The following SLC36A1 variants were observed in gnomAD, a reference collection of about 807,000 sequenced individuals.
SLC36A1 encodes solute carrier family 36 member 1.
SLC36A1 carries 30 observed loss-of-function variants against 47.5 expected under a neutral mutation model. That is an observed-to-expected ratio of 0.63 (90% CI 0.47 to 0.86). The LOEUF is 0.86. SLC36A1 is among the 40% of genes least tolerant of loss of function. SLC36A1 has a pLI of 0.00. For synonymous variants in SLC36A1, 255 were observed against 249.7 expected (o/e 1.02, Z -0.20); for missense variants, 517 against 606.0 (o/e 0.85, Z 1.54).
the SLC36A1 span, among the ~76,000 whole-genome samples, chr5:151,367,372 T>TTTTTTTTTTTTTTTTTTC: frequency 7.3e-6 from 1 of 137,252 alleles, no homozygotes; most frequent in African/African-American, 2.9e-5. Context: ...TTTTTTTTTT[T>TTTTTTTTTTTTTTTTTTC]TTCCCCAGGG....
At chr5:151,375,330 T>C in the SLC36A1 span, among the ~76,000 whole-genome samples, 2 of 152,204 alleles carry the variant, frequency 1.3e-5, no homozygotes, top group African/African-American at 4.8e-5. Flanking sequence ...CTTTTTCCAG[T>C]GTATGTTTTT....
chr5:151,373,989 C>T, the SLC36A1 span, among the ~76,000 whole-genome samples: 27,228 of 152,028 alleles, frequency 0.18, 2,681 homozygotes, highest in East Asian at 0.41. Flanking sequence ...TGTATGTATG[C>T]GTGAAAGATT....
the SLC36A1 span, among the ~76,000 whole-genome samples, chr5:151,533,160 A>G: frequency 6.6e-6 from 1 of 152,128 alleles, no homozygotes; most frequent in Non-Finnish European, 1.5e-5. Context: ...CCACTTGATA[A>G]TGGCCTGAGG....
At chr5:151,532,877 G>C in the SLC36A1 span, among the ~76,000 whole-genome samples, 2 of 152,210 alleles carry the variant, frequency 1.3e-5, no homozygotes, top group Non-Finnish European at 2.9e-5. Flanking sequence ...TGGTGGAATG[G>C]TGACAGGAGT....
At chr5:151,383,135 A>C in the SLC36A1 span, among the ~76,000 whole-genome samples, 1 of 152,206 alleles carries the variant, frequency 6.6e-6, no homozygotes, top group Non-Finnish European at 1.5e-5. Context: ...GAGTATGTAC[A>C]GGAATACAAA....
upstream of SLC36A1, among the ~76,000 whole-genome samples, chr5:151,433,556 G>C (rs1759585675): frequency 6.6e-6 from 1 of 151,284 alleles, no homozygotes; most frequent in Admixed American, 6.6e-5. Context: ...CTTCCAAAGT[G>C]CTGGGATTAC....
chr5:151,416,779 C>T, the SLC36A1 span, among the ~76,000 whole-genome samples: 4 of 152,088 alleles, frequency 2.6e-5, no homozygotes, highest in Non-Finnish European at 5.9e-5. Context: ...GTGTCTCCAC[C>T]CAAATCTCAT....
chr5:151,495,282 G>A (rs992547863), downstream of SLC36A1, among the ~76,000 whole-genome samples: 3 of 152,110 alleles, frequency 2.0e-5, no homozygotes, highest in African/African-American at 7.2e-5. Context: ...GGAAGTACTT[G>A]TTCAAATATT....
At chr5:151,390,069 G>A in the SLC36A1 span, among the ~76,000 whole-genome samples, 4 of 152,046 alleles carry the variant, frequency 2.6e-5, no homozygotes, top group South Asian at 2.1e-4. Flanking sequence ...TCTCCAGCAC[G>A]TGTTGTTTCC....
the SLC36A1 span, among the ~76,000 whole-genome samples, chr5:151,358,112 C>G: frequency 1.3e-5 from 2 of 152,170 alleles, no homozygotes; most frequent in Non-Finnish European, 2.9e-5. Flanking sequence ...ACTGACTAGG[C>G]AGCTGTGATT....
intron 10 of SLC36A1, among the ~76,000 whole-genome samples, chr5:151,481,048 A>G (rs933661128): frequency 1.3e-5 from 2 of 152,158 alleles, no homozygotes; most frequent in Non-Finnish European, 2.9e-5. Context: ...CCTGTAGCAT[A>G]TGTCACACTT....
chr5:151,377,412 G>T, the SLC36A1 span, among the ~76,000 whole-genome samples: 1 of 144,924 alleles, frequency 6.9e-6, no homozygotes, highest in African/African-American at 2.6e-5. Flanking sequence ...GCAGTGGCGC[G>T]ATCTCGACTC....
the SLC36A1 span, among the ~76,000 whole-genome samples, chr5:151,389,367 C>T: frequency 6.6e-6 from 1 of 152,070 alleles, no homozygotes; most frequent in Admixed American, 6.6e-5. Context: ...TGCCTCCCGT[C>T]CCCTGGTAAT....
At chr5:151,513,818 T>C in the SLC36A1 span, among the ~76,000 whole-genome samples, 1 of 152,224 alleles carries the variant, frequency 6.6e-6, no homozygotes, top group Non-Finnish European at 1.5e-5. Context: ...TATTTCTAAA[T>C]AAATTAATAC....
intron 7 of SLC36A1, among the ~76,000 whole-genome samples, chr5:151,473,177 GATAGA>G (rs1757557406): frequency 1.8e-5 from 1 of 56,014 alleles, no homozygotes; most frequent in Non-Finnish European, 3.6e-5. Context: ...TCTGTCTCTA[GATAGA>G]TAGATAGATA....
the SLC36A1 span, chr5:151,504,395 G>T: frequency 6.5e-6 from 1 of 152,714 alleles, no homozygotes; most frequent in Non-Finnish European, 1.5e-5. Flanking sequence ...ACCACTCCTG[G>T]CTACATACAC....
the SLC36A1 span, among the ~76,000 whole-genome samples, chr5:151,362,413 T>A: frequency 5.1e-4 from 74 of 143,770 alleles, no homozygotes; most frequent in Admixed American, 3.0e-3. Context: ...TTTTTTGAGA[T>A]GGAGTCTCAC....
At chr5:151,511,920 G>A in the SLC36A1 span, 6 of 544,310 alleles carry the variant, frequency 1.1e-5, no homozygotes, top group African/African-American at 1.9e-5. Flanking sequence ...CTGCCCCTGA[G>A]GTCCCCATTC....
chr5:151,417,233 C>G, the SLC36A1 span, among the ~76,000 whole-genome samples: 1 of 152,166 alleles, frequency 6.6e-6, no homozygotes, highest in Admixed American at 6.5e-5. Flanking sequence ...GAAGTTGGAA[C>G]AGTTTGGAGG....
Sources: gnomAD v4.1 joint callset for allele counts (sites outside exome capture counted in the v4.1 genomes callset) on GRCh38, gnomAD v4.1.1 for gene constraint, MANE v1.5 for transcripts, NCBI Gene and HGNC (gene_info 2026-07-23, HGNC 2026-07-21) for gene names.